Variants in AGBL1 observed in about 807,000 individuals in gnomAD.
AGBL1 encodes the protein AGBL carboxypeptidase 1.
Under a neutral mutation model 118.9 loss-of-function variants are expected in AGBL1, and 130 were observed. The ratio of observed to expected loss-of-function variants is 1.09; its 90% confidence interval spans 0.95 to 1.26. The LOEUF (loss-of-function observed/expected upper bound fraction) is 1.26. Ranked by LOEUF, AGBL1 falls within the 50% of genes most tolerant of loss-of-function variation. The pLI is 0.00. For synonymous variants in AGBL1, 555 were observed against 478.9 expected (o/e 1.16, Z -2.08); for missense variants, 1,584 against 1,298.1 (o/e 1.22, Z -3.38).
chr15:86,594,401 ATGT>A (rs1460833943), intron 21 of AGBL1, among the ~76,000 whole-genome samples: 2 of 152,180 alleles, frequency 1.3e-5, no homozygotes, highest in Non-Finnish European at 2.9e-5. Context: ...TCACAAAGTA[ATGT>A]TAGTTTCAGA....
chr15:86,661,946 A>T (rs2085549297), intron 21 of AGBL1, among the ~76,000 whole-genome samples: 1 of 152,172 alleles, frequency 6.6e-6, no homozygotes, highest in Admixed American at 6.5e-5. Context: ...TCCACTTTCC[A>T]CATAAATTAT....
chr15:86,925,143 A>AGGAGGAGGAGGAG (rs1194394687), intron 23 of AGBL1, among the ~76,000 whole-genome samples: 4 of 80,592 alleles, frequency 5.0e-5, no homozygotes, highest in South Asian at 5.4e-4. Flanking sequence ...AGGAAGAGGA[A>AGGAGGAGGAGGAG]GAGGAGGAGG....
intron 18 of AGBL1, among the ~76,000 whole-genome samples, chr15:86,431,037 A>G (rs976443337): frequency 2.6e-5 from 4 of 152,214 alleles, no homozygotes; most frequent in African/African-American, 9.7e-5. Context: ...CAAGTGGCGG[A>G]GCTGGGATTA....
At chr15:86,111,918 C>T (rs1012624250) in intron 1 of AGBL1, among the ~76,000 whole-genome samples, 1 of 152,174 alleles carries the variant, frequency 6.6e-6, no homozygotes, top group South Asian at 2.1e-4. Flanking sequence ...TCAGCAGTGG[C>T]ATTAGATTCT....
intron 17 of AGBL1, among the ~76,000 whole-genome samples, chr15:86,361,475 G>C (rs1270222142): frequency 1.3e-5 from 2 of 152,052 alleles, no homozygotes; most frequent in African/African-American, 4.8e-5. Flanking sequence ...AGTCCGTAGA[G>C]CTGTTCAGTT....
intron 22 of AGBL1, among the ~76,000 whole-genome samples, chr15:86,754,158 C>T (rs1271564668): frequency 6.6e-6 from 1 of 152,066 alleles, no homozygotes; most frequent in Non-Finnish European, 1.5e-5. Flanking sequence ...CAGATTTAAA[C>T]ACTATTATTT....
chr15:86,702,823 T>C (rs1396124253), intron 22 of AGBL1, among the ~76,000 whole-genome samples: 2 of 151,136 alleles, frequency 1.3e-5, no homozygotes, highest in African/African-American at 4.9e-5. Flanking sequence ...CTTCCCTTTT[T>C]TTTTCCTTGC....
intron 18 of AGBL1, among the ~76,000 whole-genome samples, chr15:86,402,919 C>G (rs895485070): frequency 5.3e-5 from 8 of 152,100 alleles, no homozygotes; most frequent in Admixed American, 5.2e-4. Context: ...ATTTTGTCAT[C>G]TTTCTGGCCT....
At chr15:86,210,727 C>G (rs545002488) in intron 5 of AGBL1, among the ~76,000 whole-genome samples, 3 of 152,166 alleles carry the variant, frequency 2.0e-5, no homozygotes, top group African/African-American at 7.2e-5. Context: ...AATCTTTTTT[C>G]AAGGTTTTTA....
chr15:86,827,912 C>G (rs1236634280), intron 22 of AGBL1, among the ~76,000 whole-genome samples: 2 of 111,830 alleles, frequency 1.8e-5, no homozygotes, highest in Non-Finnish European at 3.5e-5. Flanking sequence ...ATACAATTAA[C>G]ATAGTCTCTG....
intron 21 of AGBL1, among the ~76,000 whole-genome samples, chr15:86,614,332 T>C (rs950009998): frequency 6.6e-6 from 1 of 152,102 alleles, no homozygotes; most frequent in Non-Finnish European, 1.5e-5. Flanking sequence ...TTCTTGATAA[T>C]ATTGCTGTTC....
chr15:86,626,350 C>T (rs2084886987), intron 21 of AGBL1, among the ~76,000 whole-genome samples: 1 of 152,174 alleles, frequency 6.6e-6, no homozygotes, highest in African/African-American at 2.4e-5. Flanking sequence ...AGACCATGTC[C>T]TTTGCAGGAA....
intron 6 of AGBL1, among the ~76,000 whole-genome samples, chr15:86,246,039 C>T (rs903633214): frequency 6.6e-6 from 1 of 152,160 alleles, no homozygotes; most frequent in Non-Finnish European, 1.5e-5. Flanking sequence ...GTGCAAGCCA[C>T]CACATTTGGC....
chr15:86,669,042 A>C (rs2085695295), intron 21 of AGBL1, among the ~76,000 whole-genome samples: 1 of 152,198 alleles, frequency 6.6e-6, no homozygotes, highest in African/African-American at 2.4e-5. Context: ...GGAGAAAAAC[A>C]AAAGTTCCAA....
intron 17 of AGBL1, among the ~76,000 whole-genome samples, chr15:86,358,730 T>C (rs1270161157): frequency 1.3e-5 from 2 of 151,960 alleles, no homozygotes; most frequent in Non-Finnish European, 2.9e-5. Flanking sequence ...GGTATGACGT[T>C]ATATCTCATT....
chr15:86,273,642 C>T (rs1437794588), intron 15 of AGBL1, among the ~76,000 whole-genome samples: 1 of 152,166 alleles, frequency 6.6e-6, no homozygotes, highest in Non-Finnish European at 1.5e-5. Flanking sequence ...TTGCTTCTCT[C>T]CTGCCTTTAT....
At chr15:86,487,334 G>A (rs941587984) in intron 18 of AGBL1, among the ~76,000 whole-genome samples, 6 of 152,060 alleles carry the variant, frequency 3.9e-5, no homozygotes, top group African/African-American at 1.2e-4. Context: ...CCAGCCCATG[G>A]AAGATGAAGT....
At chr15:86,859,812 C>A (rs1297030331) in intron 22 of AGBL1, among the ~76,000 whole-genome samples, 2 of 152,110 alleles carry the variant, frequency 1.3e-5, no homozygotes, top group African/African-American at 4.8e-5. Context: ...ATTCTAGGGA[C>A]AATACATGGC....
Position 86,969,686 on chromosome 15 carries a change from T to G in AGBL1, c.3222-18301T>G, listed in dbSNP as rs1226531874. On this transcript the variant is annotated intron_variant, in intron 23 of 24. Transcript: ENST00000441037. ...GTGTGGATATAAGGGTAGATGTACA[T>G]ATATATCTGCAGATATTTGTTGGTT... is the stretch of plus-strand genomic sequence containing the variant. Among the ~76,000 whole-genome samples the G allele has an allele frequency of 2.0e-5, 3 of 152,006 alleles. No homozygotes were observed. The South Asian group carries it at 6.2e-4, about 31-fold the overall frequency.
Sources: allele counts gnomAD v4.1 joint callset (sites outside exome capture counted in the v4.1 genomes callset), GRCh38; gene constraint gnomAD v4.1.1; transcripts MANE v1.5; gene names NCBI Gene and HGNC (gene_info 2026-07-23, HGNC 2026-07-21).